The following PLXDC2 variants were observed in gnomAD, a reference collection of about 807,000 sequenced individuals.
PLXDC2 encodes plexin domain containing 2.
Under a neutral mutation model 68.9 loss-of-function variants are expected in PLXDC2, and 40 were observed. The observed-to-expected ratio is 0.58, with a 90% CI of 0.45 to 0.76. The LOEUF is 0.76. Among genes scored for constraint, PLXDC2 ranks in the 30% least tolerant of loss-of-function variants. The pLI is 0.00. For missense variants in PLXDC2, 644 were observed against 661.9 expected, an observed-to-expected ratio of 0.97 and a Z score of 0.30; for synonymous variants, 243 against 234.2, an observed-to-expected ratio of 1.04 and a Z score of -0.34.
At chr10:19,980,381 C>T (rs776053893) in intron 1 of PLXDC2, among the ~76,000 whole-genome samples, 27 of 152,264 alleles carry the variant, frequency 1.8e-4, no homozygotes, top group South Asian at 1.2e-3. Context: ...TGTCTTGTGT[C>T]AGCCTGTTAG....
chr10:19,988,436 T>C (rs1834685450), intron 1 of PLXDC2, among the ~76,000 whole-genome samples: 1 of 152,164 alleles, frequency 6.6e-6, no homozygotes, highest in African/African-American at 2.4e-5. Flanking sequence ...AATATCACTA[T>C]CTATAATTTG....
chr10:20,222,686 A>C (rs1463209848), intron 12 of PLXDC2, among the ~76,000 whole-genome samples: 1 of 152,078 alleles, frequency 6.6e-6, no homozygotes, highest in African/African-American at 2.4e-5. Context: ...GGTTCTAAAA[A>C]CGCAGATGAT....
intron 4 of PLXDC2, among the ~76,000 whole-genome samples, chr10:20,113,545 C>A (rs763700444): frequency 6.6e-6 from 1 of 152,170 alleles, no homozygotes; most frequent in Non-Finnish European, 1.5e-5. Flanking sequence ...CTGAGATAGA[C>A]AGCGAATTAT....
Position 20,069,770 on chromosome 10 carries a change from G to A in PLXDC2, c.541+1531G>A, listed in dbSNP as rs898581898. On this transcript the variant is annotated intron_variant, in intron 4 of 13. Transcript: ENST00000377252. ...CACTTGAGGCCAGGAGTTTGAGGCTGCAGTGAGCTATGACCACACCACTGC... is the reference window on the plus strand; with the variant it reads ...CACTTGAGGCCAGGAGTTTGAGGCTACAGTGAGCTATGACCACACCACTGC... Among the ~76,000 whole-genome samples the A allele has an allele frequency of 2.0e-5, 3 of 152,196 alleles. No homozygotes were observed. In the South Asian group the frequency reaches 6.2e-4, roughly 31 times the overall value.
intron 2 of PLXDC2, among the ~76,000 whole-genome samples, chr10:20,015,639 C>G (rs1477647379): frequency 6.6e-6 from 1 of 151,716 alleles, no homozygotes; most frequent in Non-Finnish European, 1.5e-5. Flanking sequence ...GTTTGTGGCT[C>G]TGGAAGACAA....
At chr10:20,172,280 A>G (rs1188635487) in intron 7 of PLXDC2, among the ~76,000 whole-genome samples, 3 of 150,904 alleles carry the variant, frequency 2.0e-5, no homozygotes, top group Non-Finnish European at 4.4e-5. Context: ...CTTGGCAAAT[A>G]TATATCATGC....
At chr10:19,911,623 T>C (rs752277533) in intron 1 of PLXDC2, among the ~76,000 whole-genome samples, 1 of 152,148 alleles carries the variant, frequency 6.6e-6, no homozygotes, top group African/African-American at 2.4e-5. Context: ...TTTCACCTTA[T>C]AGTTGTGAAA....
chr10:19,980,703 G>GT (rs1172582377), intron 1 of PLXDC2, among the ~76,000 whole-genome samples: 2 of 152,188 alleles, frequency 1.3e-5, no homozygotes, highest in South Asian at 2.1e-4. Flanking sequence ...GAGAGAACAC[G>GT]TGCGATCTGG....
intron 4 of PLXDC2, among the ~76,000 whole-genome samples, chr10:20,109,266 T>C (rs1330360696): frequency 6.6e-6 from 1 of 152,240 alleles, no homozygotes; most frequent in Non-Finnish European, 1.5e-5. Context: ...AGCTGTTGAG[T>C]TGCACATTGT....
chr10:20,231,422 A>G (rs982752172), intron 12 of PLXDC2, among the ~76,000 whole-genome samples: 10 of 151,590 alleles, frequency 6.6e-5, no homozygotes, highest in Non-Finnish European at 1.3e-4. Flanking sequence ...AAGGAAATTT[A>G]TAGTTTTAAA....
intron 1 of PLXDC2, among the ~76,000 whole-genome samples, chr10:19,947,097 G>A (rs1833913536): frequency 6.6e-6 from 1 of 152,160 alleles, no homozygotes; most frequent in African/African-American, 2.4e-5. Context: ...TGGCTTTGGA[G>A]ATGAAGATAG....
At chr10:20,146,998 C>A (rs531577560) in intron 5 of PLXDC2, among the ~76,000 whole-genome samples, 1 of 152,036 alleles carries the variant, frequency 6.6e-6, no homozygotes, top group Non-Finnish European at 1.5e-5. Flanking sequence ...CTTAGCAGCT[C>A]ATTTCTTTTC....
chr10:20,095,384 G>T (rs1397304697), intron 4 of PLXDC2, among the ~76,000 whole-genome samples: 4 of 152,070 alleles, frequency 2.6e-5, no homozygotes, highest in Non-Finnish European at 5.9e-5. Flanking sequence ...AAGTGGTGAG[G>T]AAACACAAGG....
At chr10:19,953,606 A>C (rs1393613030) in intron 1 of PLXDC2, among the ~76,000 whole-genome samples, 2 of 152,230 alleles carry the variant, frequency 1.3e-5, no homozygotes, top group African/African-American at 2.4e-5. Flanking sequence ...TATTAGCATT[A>C]AAATCCATTC....
intron 12 of PLXDC2, among the ~76,000 whole-genome samples, chr10:20,236,043 A>T (rs1370291673): frequency 1.3e-5 from 2 of 152,034 alleles, no homozygotes; most frequent in African/African-American, 4.8e-5. Flanking sequence ...TAGTTTATTA[A>T]CCTCTTTGGT....
chr10:20,072,483 A>AAG (rs1836341577), intron 4 of PLXDC2, among the ~76,000 whole-genome samples: 2 of 120,194 alleles, frequency 1.7e-5, no homozygotes, highest in East Asian at 3.2e-4. Context: ...AGAAGGAACA[A>AAG]AGAAAGAAAG....
intron 12 of PLXDC2, among the ~76,000 whole-genome samples, chr10:20,222,388 C>T (rs1217561336): frequency 6.6e-6 from 1 of 152,210 alleles, no homozygotes; most frequent in Non-Finnish European, 1.5e-5. Flanking sequence ...CAGGGTTTCT[C>T]ATTGAGAGGA....
intron 9 of PLXDC2, among the ~76,000 whole-genome samples, chr10:20,185,640 T>C (rs1325826705): frequency 6.6e-6 from 1 of 151,998 alleles, no homozygotes; most frequent in East Asian, 1.9e-4. Flanking sequence ...TTTTATATCC[T>C]AGAGACAAAG....
At chr10:19,860,911 T>C (rs1233792610) in intron 1 of PLXDC2, among the ~76,000 whole-genome samples, 2 of 152,224 alleles carry the variant, frequency 1.3e-5, no homozygotes, top group African/African-American at 4.8e-5. Flanking sequence ...TGTCAAGGTC[T>C]GGTAATTTTA....
Sources: gnomAD v4.1 joint callset for allele counts (sites outside exome capture counted in the v4.1 genomes callset) on GRCh38, gnomAD v4.1.1 for gene constraint, MANE v1.5 for transcripts, NCBI Gene and HGNC (gene_info 2026-07-23, HGNC 2026-07-21) for gene names.